DENND1A: variants seen among roughly 807,000 people sequenced by gnomAD.
DENND1A encodes DENN domain-containing protein 1A.
DENND1A carries 51 observed loss-of-function variants against 113.7 expected under a neutral mutation model. The observed-to-expected ratio is 0.45, with a 90% confidence interval of 0.36 to 0.57. The LOEUF is 0.57. Ranked by LOEUF, DENND1A falls within the 20% of genes least tolerant of loss-of-function variation. The pLI is 0.00. For missense variants in DENND1A, 1,258 were observed against 1,395.9 expected (o/e 0.90, Z 1.57); for synonymous variants, 565 against 570.8 (o/e 0.99, Z 0.14).
chr9:123,611,019 G>T (rs748238966), intron 10 of DENND1A, among the ~76,000 whole-genome samples: 2 of 152,144 alleles, frequency 1.3e-5, no homozygotes, highest in South Asian at 4.1e-4. Flanking sequence ...CCTTACTACA[G>T]ATCTCAGCAG....
At chr9:123,606,784 G>A (rs1332114259) in intron 11 of DENND1A, among the ~76,000 whole-genome samples, 1 of 152,248 alleles carries the variant, frequency 6.6e-6, no homozygotes, top group Non-Finnish European at 1.5e-5. Context: ...CACAGTGAAT[G>A]GGAACAGTCC....
intron 13 of DENND1A, among the ~76,000 whole-genome samples, chr9:123,516,527 G>C (rs1402346826): frequency 6.6e-6 from 1 of 151,896 alleles, no homozygotes; most frequent in African/African-American, 2.4e-5. Flanking sequence ...TATTAAATTG[G>C]CAAATATAAA....
intron 2 of DENND1A, among the ~76,000 whole-genome samples, chr9:123,832,662 A>G (rs1028926597): frequency 5.9e-5 from 9 of 152,246 alleles, no homozygotes; most frequent in African/African-American, 2.2e-4. Context: ...TTCATATTAC[A>G]GAATAGTGTA....
intron 3 of DENND1A, among the ~76,000 whole-genome samples, chr9:123,780,356 C>T (rs10986102): frequency 0.068 from 10,413 of 152,194 alleles, 479 homozygotes; most frequent in African/African-American, 0.13. Flanking sequence ...TACCAGTGTT[C>T]CCCAGAGTAT....
intron 2 of DENND1A, among the ~76,000 whole-genome samples, chr9:123,818,351 G>A (rs1022417231): frequency 7.3e-4 from 111 of 152,052 alleles, no homozygotes; most frequent in Non-Finnish European, 1.3e-3. Context: ...TGATCCGCCC[G>A]CCTAGGCCTC....
At chr9:123,777,649 T>C (rs1040592384) in intron 3 of DENND1A, among the ~76,000 whole-genome samples, 1 of 152,352 alleles carries the variant, frequency 6.6e-6, no homozygotes, top group South Asian at 2.1e-4. Flanking sequence ...TGGTTTCTTC[T>C]GATAGACAGG....
chr9:123,475,851 G>C (rs185953532), intron 13 of DENND1A, among the ~76,000 whole-genome samples: 1 of 152,206 alleles, frequency 6.6e-6, no homozygotes, highest in Non-Finnish European at 1.5e-5. Context: ...GTGATCATCT[G>C]GGGGGACAGC....
intron 22 of DENND1A, 80 bp from the exon 23 acceptor site, chr9:123,383,993 G>A (rs2042426172): frequency 6.5e-7 from 1 of 1,534,718 alleles, no homozygotes; most frequent in Non-Finnish European, 8.8e-7. Flanking sequence ...CAAGCACATT[G>A]AGGGCTTGAG....
intron 13 of DENND1A, among the ~76,000 whole-genome samples, chr9:123,533,544 T>C (rs930477821): frequency 1.3e-5 from 2 of 152,148 alleles, no homozygotes; most frequent in East Asian, 3.9e-4. Context: ...ACAGACCTCT[T>C]GGATTTTGGA....
chr9:123,616,342 G>C (rs1249246055), intron 10 of DENND1A, among the ~76,000 whole-genome samples: 2 of 152,170 alleles, frequency 1.3e-5, no homozygotes, highest in Non-Finnish European at 2.9e-5. Context: ...ACTCTTACTT[G>C]CTAGTGACTT....
chr9:123,670,684 A>ACGCTCTGTCCT (rs1222701649), intron 7 of DENND1A, among the ~76,000 whole-genome samples: 2 of 152,244 alleles, frequency 1.3e-5, no homozygotes, highest in Admixed American at 1.3e-4. Flanking sequence ...TCCTCAAGGG[A>ACGCTCTGTCCT]CACACAGTCC....
intron 5 of DENND1A, among the ~76,000 whole-genome samples, chr9:123,695,778 C>T (rs1225303651): frequency 6.6e-6 from 1 of 152,152 alleles, no homozygotes; most frequent in Non-Finnish European, 1.5e-5. Context: ...AGACTACCAA[C>T]CCCGGCCAAC....
rs982320807 is a variant in DENND1A at position 123,913,819 on chromosome 9, C to T, written c.17+16070G>A. Among the ~76,000 whole-genome samples the T allele has an allele frequency of 1.0e-4, 15 of 150,710 alleles. No homozygotes were observed. In the East Asian group the frequency reaches 2.5e-3, roughly 25 times the overall value. ...ACTCGGGAGGCTGAGGCAGGAGAATCGCTTGAACTCGGGAGGCGGAGGTTG... is the reference window on the plus strand; with the variant it reads ...ACTCGGGAGGCTGAGGCAGGAGAATTGCTTGAACTCGGGAGGCGGAGGTTG... On this transcript the variant is annotated intron_variant, in intron 1 of 23. Transcript: ENST00000394215.
intron 16 of DENND1A, 34 bp from the exon 17 acceptor site, chr9:123,452,381 G>C: frequency 6.4e-7 from 1 of 1,568,210 alleles, no homozygotes; most frequent in Non-Finnish European, 8.8e-7. Flanking sequence ...AATTTGGGCT[G>C]AAGACAGAGT....
chr9:123,601,815 A>T (rs1266251052), intron 11 of DENND1A, among the ~76,000 whole-genome samples: 1 of 152,242 alleles, frequency 6.6e-6, no homozygotes, highest in African/African-American at 2.4e-5. Context: ...ACCAGGTAAG[A>T]GTGGACCAGA....
intron 18 of DENND1A, among the ~76,000 whole-genome samples, chr9:123,441,638 T>A (rs2132389014): frequency 6.6e-6 from 1 of 152,272 alleles, no homozygotes; most frequent in South Asian, 2.1e-4. Context: ...ACTCATGCAA[T>A]AAGGGTCCCG....
chr9:123,686,044 C>T (rs189795118), intron 5 of DENND1A, among the ~76,000 whole-genome samples: 17 of 151,664 alleles, frequency 1.1e-4, no homozygotes, highest in African/African-American at 2.9e-4. Context: ...CATGAGGATC[C>T]GTGTCCTACT....
intron 19 of DENND1A, 59 bp downstream of exon 19, chr9:123,440,301 G>T: frequency 1.3e-6 from 2 of 1,538,996 alleles, no homozygotes; most frequent in Non-Finnish European, 8.7e-7. Flanking sequence ...TGCTACTGCT[G>T]CTAAAAACAA....
chr9:123,800,838 C>T (rs1406390653), intron 2 of DENND1A, among the ~76,000 whole-genome samples: 1 of 152,022 alleles, frequency 6.6e-6, no homozygotes, highest in South Asian at 2.1e-4. Flanking sequence ...ATCCTTATCT[C>T]ATCTATGAAA....
Sources: allele counts gnomAD v4.1 joint callset (sites outside exome capture counted in the v4.1 genomes callset), GRCh38; gene constraint gnomAD v4.1.1; transcripts MANE v1.5; gene names NCBI Gene and HGNC (gene_info 2026-07-23, HGNC 2026-07-21).